Variants in EIF2AK4 observed in about 807,000 individuals in gnomAD.
EIF2AK4 encodes the protein eIF-2-alpha kinase GCN2.
A neutral mutation model predicts 211.1 loss-of-function variants in EIF2AK4; 139 were observed. The observed-to-expected ratio is 0.66, with a 90% confidence interval of 0.57 to 0.76. The LOEUF (loss-of-function observed/expected upper bound fraction) is 0.76, where lower values mean the gene tolerates loss of function less well. Ranked by LOEUF, EIF2AK4 falls within the 30% of genes least tolerant of loss-of-function variation. The pLI is 0.00. For missense variants in EIF2AK4, 1,664 were observed against 2,043.8 expected (o/e 0.81, Z 3.58); for synonymous variants, 710 against 751.3 (o/e 0.94, Z 0.90).
At chr15:40,031,686 C>G (rs140208644) in intron 35 of EIF2AK4, among the ~76,000 whole-genome samples, 2 of 151,970 alleles carry the variant, frequency 1.3e-5, no homozygotes, top group African/African-American at 4.8e-5. Context: ...CCCCTGAGAT[C>G]ATATTGCTAG....
intron 3 of EIF2AK4, among the ~76,000 whole-genome samples, chr15:39,947,764 T>C (rs2034249448): frequency 6.6e-6 from 1 of 152,154 alleles, no homozygotes; most frequent in Non-Finnish European, 1.5e-5. Flanking sequence ...TAAGCAGAGG[T>C]CTGAGGGAGG....
intron 29 of EIF2AK4, 146 bp from the exon 30 acceptor site, chr15:40,018,947 C>T: frequency 3.1e-6 from 2 of 654,716 alleles, no homozygotes; most frequent in Non-Finnish European, 5.3e-6. Flanking sequence ...GCTTGCTTCT[C>T]TATTTTACTA....
intron 9 of EIF2AK4, 32 bp downstream of exon 9, chr15:39,967,911 C>T: frequency 1.2e-6 from 2 of 1,601,240 alleles, no homozygotes; most frequent in South Asian, 1.1e-5. Flanking sequence ...TCTAATAGCA[C>T]TTTACTCCTG....
Position 39,998,760 on chromosome 15 carries a change from T to C in EIF2AK4, c.2898T>C (p.Phe966=). 2 of 1,613,248 alleles carry C rather than the reference T, an allele frequency of 1.2e-6. No homozygotes were observed. The highest frequency in any genetic ancestry group is 1.7e-6 in the Non-Finnish European group (2 of 1,179,534). Residue 966 remains phenylalanine, a synonymous_variant, in exon 20 of 39, where the codon TTT becomes TTC. Coordinates refer to ENST00000263791, the MANE Select transcript of EIF2AK4 (RefSeq NM_001013703.4). ...CTTCGCCTAAGTTTCCAGAAGACTT[T>C]GACGATGGAGAGCATGCAAAGCAGG... ...DPTSPKFPED[F]DDGEHAKQKS...
At chr15:40,028,530 A>G (rs917569465) in intron 33 of EIF2AK4, among the ~76,000 whole-genome samples, 3 of 152,166 alleles carry the variant, frequency 2.0e-5, no homozygotes, top group Non-Finnish European at 4.4e-5. Flanking sequence ...CCTAAAGGGT[A>G]CAGGACTACT....
At chr15:39,967,904 A>G in intron 9 of EIF2AK4, 25 bp downstream of exon 9, 1 of 1,607,998 alleles carries the variant, frequency 6.2e-7, no homozygotes, top group Non-Finnish European at 8.5e-7. Context: ...GATTCTCTCT[A>G]ATAGCACTTT....
At chr15:39,948,213 A>G (rs1291642531) in intron 3 of EIF2AK4, among the ~76,000 whole-genome samples, 3 of 152,220 alleles carry the variant, frequency 2.0e-5, no homozygotes, top group Admixed American at 6.5e-5. Flanking sequence ...TTTGGGTACA[A>G]TGACTTCTAT....
intron 36 of EIF2AK4, among the ~76,000 whole-genome samples, chr15:40,032,546 G>C: frequency 6.6e-6 from 1 of 152,178 alleles, no homozygotes; most frequent in East Asian, 1.9e-4. Context: ...TTTCGGGTGT[G>C]GTGTAGAGGG....
chr15:40,014,472 A>T (rs2035278894), intron 27 of EIF2AK4, among the ~76,000 whole-genome samples: 1 of 152,116 alleles, frequency 6.6e-6, no homozygotes, highest in South Asian at 2.1e-4. Context: ...TGGGGCTTGA[A>T]CCCTCTGAAG....
At chr15:40,033,750 G>A (rs1189186408) in intron 37 of EIF2AK4, among the ~76,000 whole-genome samples, 2 of 152,186 alleles carry the variant, frequency 1.3e-5, no homozygotes. Context: ...ACAGAGGCCG[G>A]GTGCAGTGGC....
intron 1 of EIF2AK4, among the ~76,000 whole-genome samples, chr15:39,935,682 A>G (rs1429839235): frequency 6.6e-6 from 1 of 152,076 alleles, no homozygotes; most frequent in Non-Finnish European, 1.5e-5. Flanking sequence ...CTATCTACAC[A>G]TCCAGGATTT....
rs2035292167 is a variant in EIF2AK4, at chr15:40,015,500, C to CT, written c.3760-1001dup. On this transcript the variant is annotated intron_variant, in intron 27 of 38. Coordinates refer to ENST00000263791, the MANE Select transcript of EIF2AK4 (RefSeq NM_001013703.4). ...GTGAGACTTATTCACTATCATGAGACTATCATGGGAAGGACCCGCCCACAT... is the reference window on the plus strand; with the variant it reads ...GTGAGACTTATTCACTATCATGAGACTTATCATGGGAAGGACCCGCCCACAT... 4.6e-5 allele frequency among the ~76,000 whole-genome samples: 7 copies of CT among 152,222 alleles called. No individual in the cohort carries two copies. In the South Asian group the frequency reaches 8.3e-4, roughly 18 times the overall value.
At chr15:40,033,043 C>CA (rs1049391995) in intron 37 of EIF2AK4, among the ~76,000 whole-genome samples, 1 of 151,918 alleles carries the variant, frequency 6.6e-6, no homozygotes. Context: ...AAAACAAAAA[C>CA]AAAAAAACAC....
intron 23 of EIF2AK4, among the ~76,000 whole-genome samples, chr15:40,006,344 C>T (rs1008803765): frequency 6.6e-6 from 1 of 152,084 alleles, no homozygotes; most frequent in Admixed American, 6.6e-5. Flanking sequence ...CAAATATTTA[C>T]ATAGCTATAC....
chr15:39,987,909 T>C, intron 14 of EIF2AK4, 74 bp from the exon 15 acceptor site: 1 of 1,530,260 alleles, frequency 6.5e-7, no homozygotes, highest in Non-Finnish European at 9.0e-7. Flanking sequence ...AATGGAGGAT[T>C]ATGTAAATTG....
intron 3 of EIF2AK4, among the ~76,000 whole-genome samples, chr15:39,945,017 T>A (rs79767116): frequency 0.012 from 1,819 of 152,328 alleles, 50 homozygotes; most frequent in African/African-American, 0.042. Flanking sequence ...GCCTTGGAAA[T>A]GATTCCAAAG....
chr15:40,028,661 C>T (rs1006868669), intron 33 of EIF2AK4, among the ~76,000 whole-genome samples: 3 of 152,140 alleles, frequency 2.0e-5, no homozygotes, highest in African/African-American at 7.2e-5. Flanking sequence ...CTTATTTGCA[C>T]CTAGCCTTAA....
Position 39,992,190 on chromosome 15 carries a change from G to A in EIF2AK4, c.2647G>A (p.Asp883Asn), listed in dbSNP as rs1009139328. 8.7e-6 allele frequency: 14 copies of A among 1,611,930 alleles called. No individual in the cohort carries two copies. Among genetic ancestry groups the A allele is most frequent in the Non-Finnish European group, 1.2e-5 (14 of 1,179,020 alleles). The change falls in exon 17 of 39, where the codon GAC becomes AAC. Residue 883 changes from aspartate to asparagine, a missense_variant. Coordinates refer to ENST00000263791, the MANE Select transcript of EIF2AK4 (RefSeq NM_001013703.4). The part of the protein sequence containing the change: ...HLAFSADSKQ[D>N]DQTGDLIKSD... ...ATATTTTTAGGCTGACAGCAAACAA[G>A]ACGATCAGACAGGAGACTTGATTAA...
intron 1 of EIF2AK4, among the ~76,000 whole-genome samples, chr15:39,935,734 TTC>T (rs2034055526): frequency 6.6e-6 from 1 of 152,208 alleles, no homozygotes; most frequent in East Asian, 1.9e-4. Context: ...GGACAAAATA[TTC>T]TCTCTCAAAC....
Sources: allele counts gnomAD v4.1 joint callset (sites outside exome capture counted in the v4.1 genomes callset), GRCh38; gene constraint gnomAD v4.1.1; transcripts MANE v1.5; gene names NCBI Gene and HGNC (gene_info 2026-07-23, HGNC 2026-07-21).